Variants in YARS1 observed in about 807,000 individuals in gnomAD.
YARS1 encodes the protein tyrosine--tRNA ligase, cytoplasmic.
YARS1 carries 36 observed loss-of-function variants against 62.2 expected under a neutral mutation model. The observed-to-expected ratio is 0.58, with a 90% confidence interval of 0.44 to 0.76. The LOEUF (loss-of-function observed/expected upper bound fraction) is 0.76. Among genes scored for constraint, YARS1 ranks in the 30% least tolerant of loss-of-function variants. The pLI, the probability that YARS1 is intolerant of heterozygous loss-of-function variation, is 0.00. For synonymous variants in YARS1, 234 were observed against 244.9 expected (o/e 0.96, Z 0.42); for missense variants, 524 against 639.8 (o/e 0.82, Z 1.95).
At chr1:32,814,351 A>G (rs1638649501) in intron 1 of YARS1, among the ~76,000 whole-genome samples, 1 of 152,094 alleles carries the variant, frequency 6.6e-6, no homozygotes, top group South Asian at 2.1e-4. Context: ...ACATTCTCCT[A>G]ACAGGTCTCC....
chr1:32,795,209 C>T (rs1029997120), intron 5 of YARS1, among the ~76,000 whole-genome samples: 2 of 151,012 alleles, frequency 1.3e-5, no homozygotes, highest in Admixed American at 6.6e-5. Flanking sequence ...GTCCCAGCTA[C>T]TTGGGAAGCT....
intron 6 of YARS1, among the ~76,000 whole-genome samples, chr1:32,789,022 T>G (rs1390033105): frequency 1.3e-5 from 2 of 152,130 alleles, no homozygotes; most frequent in Non-Finnish European, 2.9e-5. Context: ...GATGGGATTT[T>G]ATCATGTTGC....
chr1:32,780,917 GA>G, intron 10 of YARS1, 130 bp downstream of exon 10: 1 of 822,436 alleles, frequency 1.2e-6, no homozygotes, highest in Non-Finnish European at 2.1e-6. Flanking sequence ...CCTGGAATTA[GA>G]CACCTGCACT....
intron 7 of YARS1, 133 bp from the exon 8 acceptor site, chr1:32,786,580 A>G: frequency 1.1e-6 from 1 of 918,620 alleles, no homozygotes; most frequent in South Asian, 1.4e-5. Flanking sequence ...GTATGGTATT[A>G]TTCTTAAATT....
intron 1 of YARS1, among the ~76,000 whole-genome samples, chr1:32,814,436 G>C (rs1474454235): frequency 6.6e-6 from 1 of 152,086 alleles, no homozygotes; most frequent in Non-Finnish European, 1.5e-5. Flanking sequence ...TGTCACCCAA[G>C]CTGGAGTGCA....
chr1:32,806,476 A>G lies in YARS1; in HGVS notation c.510+6T>C. ...GTCATCGGGCCACTCCATCCCCCTT[A>G]AGTACCTGCAGTCCGGGGTATAAGA... On this transcript the variant is annotated splice_donor_region_variant and intron_variant, in intron 4 of 12. Transcript: ENST00000373477. 6.2e-7 allele frequency: 1 copy of G among 1,613,864 alleles called. No individual in the cohort carries two copies. Among genetic ancestry groups the G allele is most frequent in the Non-Finnish European group, 8.5e-7 (1 of 1,179,958 alleles).
Position 32,776,398 on chromosome 1 carries a change from C to T in YARS1, c.1477-307G>A, listed in dbSNP as rs554021727. 1.8e-4 allele frequency among the ~76,000 whole-genome samples: 28 copies of T among 152,220 alleles called. No homozygotes were observed. Among genetic ancestry groups the T allele is most frequent in the African/African-American group, 6.3e-4 (26 of 41,564 alleles). On this transcript the variant is annotated intron_variant, in intron 12 of 12. Coordinates refer to ENST00000373477, the MANE Select transcript of YARS1 (RefSeq NM_003680.4). This position sits in a 1 kb window ranked among gnomAD's most constrained non-coding sequence, Gnocchi z 4.0. The stretch of plus-strand genomic sequence containing the variant: ...CTGACCTCAAGTGATCCGCCTGCCT[C>T]GGCCTCCCAAAGTGTTGGGATTACA...
chr1:32,805,213 C>T (rs535145329), intron 4 of YARS1, among the ~76,000 whole-genome samples: 1 of 72,892 alleles, frequency 1.4e-5, no homozygotes, highest in Non-Finnish European at 2.6e-5. Flanking sequence ...CAGAGGGAGA[C>T]GGTGGAAAGG....
At chr1:32,793,962 A>G (rs1350632374) in intron 5 of YARS1, among the ~76,000 whole-genome samples, 1 of 152,264 alleles carries the variant, frequency 6.6e-6, no homozygotes, top group African/African-American at 2.4e-5. Context: ...AGGTTGAAGG[A>G]AAATGAACTC....
At chr1:32,801,604 C>A (rs1436857642) in intron 4 of YARS1, among the ~76,000 whole-genome samples, 1 of 152,112 alleles carries the variant, frequency 6.6e-6, no homozygotes, top group Non-Finnish European at 1.5e-5. Context: ...ATGAAGTTTG[C>A]CACATCAATT....
intron 12 of YARS1, among the ~76,000 whole-genome samples, chr1:32,777,985 GAA>G (rs532142017): frequency 6.6e-6 from 1 of 151,742 alleles, no homozygotes; most frequent in African/African-American, 2.4e-5. Context: ...TTTATAGCCA[GAA>G]AAAAAGAGAT....
intron 4 of YARS1, among the ~76,000 whole-genome samples, chr1:32,803,187 G>A (rs1638348022): frequency 6.6e-6 from 1 of 151,296 alleles, no homozygotes; most frequent in African/African-American, 2.4e-5. Context: ...TACTATGATG[G>A]CCAGGCTGGT....
chr1:32,786,384 A>G lies in YARS1; in HGVS notation c.884T>C (p.Leu295Pro), dbSNP rs1364338665. 6.2e-7 allele frequency: 1 copy of G among 1,614,032 alleles called. No homozygotes were observed. The highest frequency in any genetic ancestry group is 1.7e-5 in the Admixed American group (1 of 59,990). ...TACCTCAGCAGCAAAGTCCTTTTCC[A>G]GGTCCACGTAAGCTGTGTAGGTTTT... ...GNKTYTAYVD[L>P]EKDFAAEVVH... Residue 295 changes from leucine to proline, a missense_variant, in exon 8 of 13, where the codon CTG (leucine) becomes CCG (proline). Physicochemically the swap from Leu to Pro is moderately conservative, Grantham distance 98. Coordinates refer to ENST00000373477, the MANE Select transcript of YARS1 (RefSeq NM_003680.4).
intron 9 of YARS1, chr1:32,781,390 T>G (rs1653051813): frequency 1.9e-6 from 1 of 516,176 alleles, no homozygotes; most frequent in Admixed American, 3.1e-5. Context: ...CTTTGCCTCC[T>G]TTAGGTATTT....
At chr1:32,788,147 A>C (rs535358178) in intron 6 of YARS1, among the ~76,000 whole-genome samples, 1 of 152,322 alleles carries the variant, frequency 6.6e-6, no homozygotes, top group South Asian at 2.1e-4. Context: ...TATTTTTTAT[A>C]TTCTTCTCAG....
intron 1 of YARS1, chr1:32,811,315 C>A: frequency 1.9e-6 from 1 of 530,934 alleles, no homozygotes. Flanking sequence ...TTACCCACCC[C>A]CCTTCCTCAA....
At chr1:32,800,718 C>T (rs1381586508) in intron 4 of YARS1, among the ~76,000 whole-genome samples, 3 of 151,934 alleles carry the variant, frequency 2.0e-5, no homozygotes, top group Non-Finnish European at 4.4e-5. Flanking sequence ...GGTCTACAGG[C>T]GCCCGTCACC....
intron 6 of YARS1, among the ~76,000 whole-genome samples, chr1:32,789,132 T>C (rs1398331889): frequency 6.6e-6 from 1 of 152,254 alleles, no homozygotes; most frequent in African/African-American, 2.4e-5. Flanking sequence ...GGCCTACTTA[T>C]AGTTTTTATG....
rs1474096119 is a variant in YARS1 at position 32,779,417 on chromosome 1, GCTC to G, written c.1438_1440del (p.Glu480del). On this transcript the variant is annotated inframe_deletion, in exon 12 of 13. Transcript: ENST00000373477. The stretch of plus-strand genomic sequence containing the variant: ...TCGAAGACTTTCTTCTTGGGCTTGA[GCTC>G]CTCATCTGGTTGGCCCTTTTCATAG... 8.1e-6 allele frequency: 13 copies of G among 1,614,110 alleles called. No homozygotes were observed. The highest frequency in any genetic ancestry group is 1.1e-5 in the South Asian group (1 of 91,094).
Sources: gnomAD v4.1 joint callset for allele counts (sites outside exome capture counted in the v4.1 genomes callset) on GRCh38, gnomAD v4.1.1 for gene constraint, Gnocchi (gnomAD v3.1) non-coding constraint, MANE v1.5 for transcripts, NCBI Gene and HGNC (gene_info 2026-07-23, HGNC 2026-07-21) for gene names.